CADPS: variants seen among roughly 807,000 people sequenced by gnomAD.
CADPS encodes the protein calcium-dependent secretion activator 1.
Under a neutral mutation model 167.3 loss-of-function variants are expected in CADPS, and 57 were observed. The ratio of observed to expected loss-of-function variants is 0.34; its 90% CI spans 0.28 to 0.42. The LOEUF (loss-of-function observed/expected upper bound fraction) is 0.42, where lower values mean the gene tolerates loss of function less well. Among genes scored for constraint, CADPS ranks in the 20% least tolerant of loss-of-function variants. CADPS has a pLI of 1.00. For synonymous variants in CADPS, 676 were observed against 635.3 expected (o/e 1.06, Z -0.96); for missense variants, 1,414 against 1,738.1 (o/e 0.81, Z 3.32).
intron 6 of CADPS, chr3:62,625,351 A>G (rs1563044414): frequency 6.7e-6 from 1 of 148,692 alleles, no homozygotes; most frequent in Non-Finnish European, 1.5e-5. Context: ...ATGACTAACA[A>G]TGTCATTTCA....
chr3:62,416,503 A>G (rs1472785691), intron 28 of CADPS, among the ~76,000 whole-genome samples: 1 of 152,200 alleles, frequency 6.6e-6, no homozygotes, highest in Non-Finnish European at 1.5e-5. Flanking sequence ...TAGAATAAGA[A>G]CTTGTTTTGA....
chr3:62,575,120 G>A (rs1482581037), intron 8 of CADPS, among the ~76,000 whole-genome samples: 1 of 152,134 alleles, frequency 6.6e-6, no homozygotes, highest in East Asian at 1.9e-4. Context: ...CATAGAAAGA[G>A]ATTTGCAAAA....
chr3:62,698,449 T>C (rs1259086056), intron 3 of CADPS, among the ~76,000 whole-genome samples: 1 of 152,052 alleles, frequency 6.6e-6, no homozygotes, highest in African/African-American at 2.4e-5. Flanking sequence ...TAGGCAACAC[T>C]TTACACTTAG....
intron 16 of CADPS, 43 bp from the exon 17 acceptor site, chr3:62,512,811 A>G (rs368604191): frequency 1.3e-6 from 2 of 1,565,568 alleles, no homozygotes; most frequent in Non-Finnish European, 8.7e-7. Flanking sequence ...AGAGAGAGAA[A>G]CAAGAACACA....
At chr3:62,702,658 G>A (rs1271206187) in intron 3 of CADPS, among the ~76,000 whole-genome samples, 2 of 152,082 alleles carry the variant, frequency 1.3e-5, no homozygotes, top group African/African-American at 4.8e-5. Context: ...CTGTCCAGTA[G>A]AACTTTCTGC....
chr3:62,670,508 TG>T (rs2075316567), intron 3 of CADPS, among the ~76,000 whole-genome samples: 1 of 152,160 alleles, frequency 6.6e-6, no homozygotes, highest in South Asian at 2.1e-4. Flanking sequence ...TTCTGAATGA[TG>T]TACTTCTTGA....
At chr3:62,600,526 G>C (rs1163089885) in intron 6 of CADPS, among the ~76,000 whole-genome samples, 1 of 152,134 alleles carries the variant, frequency 6.6e-6, no homozygotes, top group Non-Finnish European at 1.5e-5. Context: ...GATGAACAGT[G>C]TAACTGACTA....
chr3:62,729,828 T>C (rs2077428796), intron 3 of CADPS, among the ~76,000 whole-genome samples: 1 of 151,722 alleles, frequency 6.6e-6, no homozygotes, highest in Non-Finnish European at 1.5e-5. Flanking sequence ...TGGTGGCCAT[T>C]AGTGCTGCCT....
chr3:62,627,128 A>G (rs901926942), intron 6 of CADPS, among the ~76,000 whole-genome samples: 4 of 89,774 alleles, frequency 4.5e-5, no homozygotes, highest in Non-Finnish European at 9.0e-5. Context: ...TTTACTTTCC[A>G]GTTGTGTGTG....
At chr3:62,774,339 C>T (rs1289864752) in intron 1 of CADPS, among the ~76,000 whole-genome samples, 2 of 149,526 alleles carry the variant, frequency 1.3e-5, no homozygotes, top group Admixed American at 6.7e-5. Context: ...AAAAAAAAAA[C>T]GTACTTTTCC....
At chr3:62,783,873 GAGA>G (rs1170545891) in intron 1 of CADPS, among the ~76,000 whole-genome samples, 2 of 152,180 alleles carry the variant, frequency 1.3e-5, no homozygotes, top group Non-Finnish European at 1.5e-5. Flanking sequence ...ATTTATCTGA[GAGA>G]AGGAGAGAAA....
intron 1 of CADPS, among the ~76,000 whole-genome samples, chr3:62,812,023 A>C (rs1321735840): frequency 6.6e-6 from 1 of 152,158 alleles, no homozygotes; most frequent in Admixed American, 6.6e-5. Context: ...GGTATATATA[A>C]AATCAAATTA....
chr3:62,492,068 T>A (rs577624455), intron 20 of CADPS, among the ~76,000 whole-genome samples: 1 of 152,206 alleles, frequency 6.6e-6, no homozygotes, highest in Non-Finnish European at 1.5e-5. Context: ...TACTCTCAGG[T>A]TATTCTGTCT....
At chr3:62,548,417 A>AT (rs1180773275) in intron 11 of CADPS, among the ~76,000 whole-genome samples, 28 of 152,324 alleles carry the variant, frequency 1.8e-4, no homozygotes, top group Middle Eastern at 3.4e-3. Flanking sequence ...ACTCACAGCC[A>AT]TTATATGATT....
intron 1 of CADPS, among the ~76,000 whole-genome samples, chr3:62,783,049 T>C (rs1487599229): frequency 6.6e-6 from 1 of 152,160 alleles, no homozygotes; most frequent in Non-Finnish European, 1.5e-5. Flanking sequence ...CGTGAGCCAT[T>C]GCACCTGGCC....
intron 3 of CADPS, among the ~76,000 whole-genome samples, chr3:62,694,188 G>A (rs1372162990): frequency 6.6e-6 from 1 of 151,904 alleles, no homozygotes; most frequent in Non-Finnish European, 1.5e-5. Flanking sequence ...AAATCTCTAT[G>A]GCAATAATAT....
At chr3:62,636,540 G>C (rs2066340736) in intron 6 of CADPS, among the ~76,000 whole-genome samples, 1 of 152,148 alleles carries the variant, frequency 6.6e-6, no homozygotes, top group South Asian at 2.1e-4. Context: ...CTGATAATTG[G>C]CATCATGCCA....
intron 6 of CADPS, among the ~76,000 whole-genome samples, chr3:62,632,747 G>A (rs1427426878): frequency 5.3e-5 from 8 of 152,102 alleles, no homozygotes; most frequent in Non-Finnish European, 1.2e-4. Flanking sequence ...AGCAGGAAAT[G>A]AAATCTAGAA....
chr3:62,680,596 G>A (rs1240871390), intron 3 of CADPS, among the ~76,000 whole-genome samples: 3 of 151,882 alleles, frequency 2.0e-5, no homozygotes, highest in Non-Finnish European at 4.4e-5. Flanking sequence ...ACCTTGACAT[G>A]TCTCCCCTGG....
Sources: gnomAD v4.1 joint callset for allele counts (sites outside exome capture counted in the v4.1 genomes callset) on GRCh38, gnomAD v4.1.1 for gene constraint, MANE v1.5 for transcripts, NCBI Gene and HGNC (gene_info 2026-07-23, HGNC 2026-07-21) for gene names.